Variants in TRIM2 observed in about 807,000 individuals in gnomAD.
TRIM2 encodes the protein tripartite motif-containing protein 2.
TRIM2 carries 20 observed loss-of-function variants against 75.2 expected under a neutral mutation model. That is an observed-to-expected ratio of 0.27 (90% CI 0.19 to 0.39). TRIM2 has a LOEUF of 0.39. TRIM2 is among the 10% of genes least tolerant of loss of function. The probability of loss-of-function intolerance (pLI) is 1.00; values close to 1 mark genes in which losing one functional copy is unlikely to be tolerated. For missense variants in TRIM2, 660 were observed against 990.8 expected (o/e 0.67, Z 4.48); for synonymous variants, 373 against 388.3 (o/e 0.96, Z 0.46).
chr4:153,257,474 A>G (rs2149962085), intron 1 of TRIM2: 1 of 1,269,468 alleles, frequency 7.9e-7, no homozygotes, highest in East Asian at 5.6e-5. Flanking sequence ...TTAATGACCC[A>G]GAAACATTCC....
intron 1 of TRIM2, among the ~76,000 whole-genome samples, chr4:153,198,769 G>A (rs1256800163): frequency 6.6e-6 from 1 of 152,324 alleles, no homozygotes; most frequent in South Asian, 2.1e-4. Flanking sequence ...GATAATGAGT[G>A]CAGTACTGGA....
intron 1 of TRIM2, among the ~76,000 whole-genome samples, chr4:153,247,165 A>G (rs1158662839): frequency 2.6e-5 from 4 of 152,214 alleles, no homozygotes; most frequent in Non-Finnish European, 5.9e-5. Context: ...GACCAGCACA[A>G]AAGTCCAGGT....
At chr4:153,244,388 T>C (rs1294804804) in intron 1 of TRIM2, among the ~76,000 whole-genome samples, 6 of 75,032 alleles carry the variant, frequency 8.0e-5, no homozygotes, top group Admixed American at 3.1e-4. Context: ...CTTCTTCTTC[T>C]TCTTCTTCTT....
chr4:153,221,981 A>AG, intron 1 of TRIM2, among the ~76,000 whole-genome samples: 1 of 54,818 alleles, frequency 1.8e-5, no homozygotes, highest in African/African-American at 6.0e-5. Flanking sequence ...GGAGGAAGGA[A>AG]GGAAGGGAGA....
chr4:153,225,705 C>A (rs1741926513), intron 1 of TRIM2, among the ~76,000 whole-genome samples: 1 of 152,118 alleles, frequency 6.6e-6, no homozygotes, highest in African/African-American at 2.4e-5. Context: ...AATTTCATGA[C>A]CTTGAGCCAC....
chr4:153,286,918 G>T (rs1760761294), intron 3 of TRIM2, among the ~76,000 whole-genome samples: 1 of 151,334 alleles, frequency 6.6e-6, no homozygotes, highest in Admixed American at 6.6e-5. Flanking sequence ...GCTCCCTTTT[G>T]GTTACAGTTT....
chr4:153,225,657 T>C (rs891746161), intron 1 of TRIM2, among the ~76,000 whole-genome samples: 3 of 152,210 alleles, frequency 2.0e-5, no homozygotes, highest in Admixed American at 1.3e-4. Flanking sequence ...AAGTGCAACC[T>C]TTGAGATAAA....
upstream of TRIM2, among the ~76,000 whole-genome samples, chr4:153,201,816 G>T (rs898258461): frequency 7.9e-5 from 12 of 152,182 alleles, no homozygotes; most frequent in African/African-American, 2.9e-4. Context: ...CCTAACACTT[G>T]TGAAGGCTAT....
chr4:153,332,733 A>G (rs1771765775), intron 11 of TRIM2, among the ~76,000 whole-genome samples: 1 of 152,158 alleles, frequency 6.6e-6, no homozygotes, highest in African/African-American at 2.4e-5. Context: ...CAATATCACT[A>G]GACATTAAGG....
chr4:153,170,119 T>TGAA (rs909469025), intron 1 of TRIM2, among the ~76,000 whole-genome samples: 2 of 148,856 alleles, frequency 1.3e-5, no homozygotes, highest in African/African-American at 4.9e-5. Flanking sequence ...GCCTTTTTAC[T>TGAA]GAAGAAGAAG....
At chr4:153,221,874 G>GGA (rs1740286146) in intron 1 of TRIM2, among the ~76,000 whole-genome samples, 1 of 119,450 alleles carries the variant, frequency 8.4e-6, no homozygotes, top group Non-Finnish European at 1.8e-5. Flanking sequence ...GAGGAAGGAA[G>GGA]GGAAGGAGGA....
At chr4:153,326,979 C>CAA (rs10718802) in intron 10 of TRIM2, among the ~76,000 whole-genome samples, 22 of 98,960 alleles carry the variant, frequency 2.2e-4, no homozygotes, top group South Asian at 3.6e-4. Context: ...GACTCCATCT[C>CAA]AAAAAAAAAA....
intron 1 of TRIM2, among the ~76,000 whole-genome samples, chr4:153,221,996 AAG>A: frequency 2.6e-5 from 1 of 38,498 alleles, no homozygotes; most frequent in African/African-American, 7.9e-5. Context: ...GGGAGAGAGG[AAG>A]GAAGGAAAGA....
At position 153,294,352 on chromosome 4, in the gene TRIM2, A is replaced by G. The variant is rs952772847; in HGVS notation, c.653A>G (p.His218Arg). ...SALQFISEII[H>R]QLTNQKASIV... ...CTTCAGTTCATCTCTGAAATCATTC[A>G]TCAGTTAACCAACCAAAAGGCCAGC... The change falls in exon 5 of 12, where the codon CAT (histidine) becomes CGT (arginine). Residue 218 changes from histidine to arginine, a missense_variant. Physicochemically the swap from His to Arg is conservative, Grantham distance 29. Coordinates refer to ENST00000338700, the MANE Select transcript of TRIM2 (RefSeq NM_015271.5). 15 of 1,614,086 alleles carry G rather than the reference A, an allele frequency of 9.3e-6. No homozygotes were observed. The highest frequency in any genetic ancestry group is 2.5e-6 in the Non-Finnish European group (3 of 1,180,038).
intron 1 of TRIM2, among the ~76,000 whole-genome samples, chr4:153,171,362 G>A (rs1371436327): frequency 6.6e-6 from 1 of 152,084 alleles, no homozygotes; most frequent in Non-Finnish European, 1.5e-5. Context: ...GAGGCAGGCG[G>A]ATCACCTGAG....
At position 153,322,797 on chromosome 4, in the gene TRIM2, T is replaced by C; in HGVS notation, c.1932T>C (p.Asn644=). 2 of 1,614,162 alleles carry C rather than the reference T, an allele frequency of 1.2e-6. No homozygotes were observed. The highest frequency in any genetic ancestry group is 1.7e-5 in the Admixed American group (1 of 60,020). The part of the protein sequence containing the change: ...KIVTRFGSRG[N]GDRQFAGPHF... ...TCACCAGGTTTGGTAGCCGAGGAAA[T>C]GGGGACAGGCAGTTTGCAGGTACAC... The change falls in exon 9 of 12, where the codon AAT becomes AAC. Residue 644 remains asparagine (N), a synonymous_variant. Coordinates refer to ENST00000338700, the MANE Select transcript of TRIM2 (RefSeq NM_015271.5).
In TRIM2 at chr4:153,335,561, C is replaced by T. The variant is rs904538304; in HGVS notation, c.*595C>T. 1.0e-6 allele frequency: 1 copy of T among 985,268 alleles called. No homozygotes were observed. The highest frequency in any genetic ancestry group is 4.7e-5 in the South Asian group (1 of 21,286). The allele number at this position is 985,268 out of a possible 1,614,324, so 61.0% of individuals were successfully genotyped here. A position where few individuals can be genotyped will look rare whatever the true frequency, so the allele number is the denominator to read the frequency against. Reference sequence around the variant, plus strand: ...CCTCTGGAGTTCAGAACTTAAGTATCAGTGCAAATTTCTCAACCTTTCTGG... The same window carrying T: ...CCTCTGGAGTTCAGAACTTAAGTATTAGTGCAAATTTCTCAACCTTTCTGG... On this transcript the variant is annotated 3_prime_UTR_variant, in exon 12 of 12. Transcript: ENST00000338700.
chr4:153,153,540 C>A (rs903927461), intron 1 of TRIM2, among the ~76,000 whole-genome samples: 1 of 152,232 alleles, frequency 6.6e-6, no homozygotes, highest in Non-Finnish European at 1.5e-5. Context: ...GGGATCCACA[C>A]ACAAAGGAAA....
intron 3 of TRIM2, among the ~76,000 whole-genome samples, chr4:153,290,153 G>C (rs1208255963): frequency 1.3e-5 from 2 of 152,136 alleles, no homozygotes. Flanking sequence ...CAAACCCCAG[G>C]GGATGAAATT....
Sources: gnomAD v4.1 joint callset for allele counts (sites outside exome capture counted in the v4.1 genomes callset) on GRCh38, gnomAD v4.1.1 for gene constraint, MANE v1.5 for transcripts, NCBI Gene and HGNC (gene_info 2026-07-23, HGNC 2026-07-21) for gene names.